SRGAP3: variants seen among roughly 807,000 people sequenced by gnomAD.
The protein encoded by SRGAP3 is SLIT-ROBO Rho GTPase activating protein 3.
Under a neutral mutation model 121.1 loss-of-function variants are expected in SRGAP3, and 39 were observed. That is an observed-to-expected ratio of 0.32 (90% CI 0.25 to 0.42). The LOEUF (loss-of-function observed/expected upper bound fraction) is 0.42, where lower values mean the gene tolerates loss of function less well. Among genes scored for constraint, SRGAP3 ranks in the 10% least tolerant of loss-of-function variants. SRGAP3 has a pLI of 1.00. For synonymous variants in SRGAP3, 601 were observed against 570.0 expected, an observed-to-expected ratio of 1.05 and a Z score of -0.77; for missense variants, 1,213 against 1,470.6, an observed-to-expected ratio of 0.82 and a Z score of 2.86.
At chr3:9,116,375 T>C (rs893411036) in intron 2 of SRGAP3, among the ~76,000 whole-genome samples, 4 of 152,230 alleles carry the variant, frequency 2.6e-5, no homozygotes, top group Admixed American at 1.3e-4. Flanking sequence ...TGAAAAAACT[T>C]TGATAAAGCA....
chr3:9,162,010 T>C (rs899349636), intron 1 of SRGAP3, among the ~76,000 whole-genome samples: 2 of 152,202 alleles, frequency 1.3e-5, no homozygotes, highest in African/African-American at 4.8e-5. Flanking sequence ...AATCCTGTCA[T>C]ATGCCACAAC....
At chr3:9,151,355 T>C (rs1398528916) in intron 1 of SRGAP3, among the ~76,000 whole-genome samples, 3 of 152,066 alleles carry the variant, frequency 2.0e-5, no homozygotes, top group Non-Finnish European at 4.4e-5. Context: ...CCATCAACAA[T>C]GTGGAGAACG....
rs113841123 is a variant in SRGAP3, at chr3:9,355,421, C to T, written n.214+7419G>A. ...ATAATTTGTGAGACACTGACTTCTA[C>T]GATGTATCCATCCCATCTCTCTTCC... is the stretch of plus-strand genomic sequence containing the variant. On this transcript the variant is annotated intron_variant and non_coding_transcript_variant, in intron 1 of 3. Coordinates refer to the SRGAP3 transcript ENST00000490889. Among the ~76,000 whole-genome samples, 386 of 152,316 alleles carry T rather than the reference C, an allele frequency of 2.5e-3. 1 individual carries two copies. The highest frequency in any genetic ancestry group is 8.9e-3 in the African/African-American group (370 of 41,556).
At chr3:9,193,740 A>C (rs1244321131) in intron 1 of SRGAP3, 1 of 152,392 alleles carries the variant, frequency 6.6e-6, no homozygotes, top group Non-Finnish European at 1.5e-5. Flanking sequence ...CGAGGAGTCC[A>C]TGTCAGCTGC....
At chr3:9,142,952 T>G (rs1949909842) in intron 1 of SRGAP3, among the ~76,000 whole-genome samples, 1 of 146,608 alleles carries the variant, frequency 6.8e-6, no homozygotes, top group Non-Finnish European at 1.5e-5. Context: ...ATCCTCCCAC[T>G]TCAGCCTTTC....
At chr3:9,133,574 C>T (rs994730215) in intron 1 of SRGAP3, among the ~76,000 whole-genome samples, 1 of 152,206 alleles carries the variant, frequency 6.6e-6, no homozygotes, top group Non-Finnish European at 1.5e-5. Context: ...TAGAATTCCA[C>T]TGTAAGTTTT....
intron 3 of SRGAP3, among the ~76,000 whole-genome samples, chr3:9,086,221 G>A (rs148656815): frequency 3.7e-4 from 56 of 151,986 alleles, no homozygotes; most frequent in Middle Eastern, 3.4e-3. Flanking sequence ...CACAGAGTAC[G>A]TGCTCATTAA....
chr3:9,143,801 C>A (rs551526748), intron 1 of SRGAP3, among the ~76,000 whole-genome samples: 19 of 152,214 alleles, frequency 1.2e-4, no homozygotes, highest in Admixed American at 5.9e-4. Flanking sequence ...CCCAGTTTTC[C>A]CTGAGGAGAC....
chr3:9,289,305 T>C (rs1397462411), intron 3 of SRGAP3, among the ~76,000 whole-genome samples: 2 of 152,226 alleles, frequency 1.3e-5, no homozygotes, highest in Non-Finnish European at 2.9e-5. Context: ...CCATCTGCAG[T>C]CTCCATGGAT....
chr3:9,315,881 C>CA (rs1299441022), intron 3 of SRGAP3, among the ~76,000 whole-genome samples: 2 of 152,108 alleles, frequency 1.3e-5, no homozygotes, highest in East Asian at 3.9e-4. Context: ...GAAGGGAAAA[C>CA]AGAGATGAAT....
chr3:9,016,088 C>T (rs1217354069), intron 14 of SRGAP3: 1 of 310,052 alleles, frequency 3.2e-6, no homozygotes, highest in African/African-American at 2.1e-5. Flanking sequence ...CTAACTACTT[C>T]AACACACTTC....
intron 18 of SRGAP3, among the ~76,000 whole-genome samples, chr3:9,008,974 A>T (rs1943223145): frequency 6.6e-6 from 1 of 152,338 alleles, no homozygotes; most frequent in Non-Finnish European, 1.5e-5. Flanking sequence ...AAGATCCTAC[A>T]CGAGAATGAA....
In SRGAP3 at chr3:8,984,303, G is replaced by A. The variant is rs745706898; in HGVS notation, c.*1216C>T. Reference sequence around the variant, plus strand: ...GCCCCAGTCTGAACTGGGCGCTCACGGCTCATGCGTTTCATGCAAGACGGC... The same window carrying A: ...GCCCCAGTCTGAACTGGGCGCTCACAGCTCATGCGTTTCATGCAAGACGGC... On this transcript the variant is annotated 3_prime_UTR_variant, in exon 22 of 22. Transcript: ENST00000383836. The A allele has an allele frequency of 4.3e-6, 1 of 230,360 alleles. No homozygotes were observed. The highest frequency in any genetic ancestry group is 8.6e-6 in the Non-Finnish European group (1 of 116,274). 14.3% of individuals were successfully genotyped at this position (230,360 alleles called of 1,614,324 possible). A position where few individuals can be genotyped will look rare whatever the true frequency, so the allele number is the denominator to read the frequency against.
intron 21 of SRGAP3, among the ~76,000 whole-genome samples, chr3:8,986,232 G>T (rs928583277): frequency 1.8e-4 from 28 of 152,226 alleles, no homozygotes; most frequent in Non-Finnish European, 3.2e-4. Context: ...CTTGCTATGT[G>T]ACCTTATGCA....
chr3:9,220,935 C>T (rs1408576487), intron 1 of SRGAP3, among the ~76,000 whole-genome samples: 1 of 152,194 alleles, frequency 6.6e-6, no homozygotes, highest in East Asian at 1.9e-4. Flanking sequence ...CAGCCCAGGG[C>T]AGACCCCACC....
chr3:9,180,060 G>C lies in SRGAP3; in HGVS notation c.68-55143C>G, dbSNP rs11919386. Among the ~76,000 whole-genome samples, 910 of 152,370 alleles carry C rather than the reference G, an allele frequency of 6.0e-3. 5 individuals carry two copies. The highest frequency in any genetic ancestry group is 0.021 in the African/African-American group (871 of 41,590). On this transcript the variant is annotated intron_variant, in intron 1 of 21. Transcript: ENST00000383836. ...GGCACAGTGCAGGAACACATGATGTGTTAGAAGGAACTCCTGAATTGAACA... is the reference window on the plus strand; with the variant it reads ...GGCACAGTGCAGGAACACATGATGTCTTAGAAGGAACTCCTGAATTGAACA...
intron 18 of SRGAP3, among the ~76,000 whole-genome samples, chr3:8,997,128 A>T (rs546488015): frequency 2.6e-5 from 4 of 152,322 alleles, no homozygotes; most frequent in Admixed American, 6.5e-5. Context: ...CCCATTGATT[A>T]CTAAGTCTGT....
At chr3:9,155,023 G>T (rs780120511) in intron 1 of SRGAP3, among the ~76,000 whole-genome samples, 2 of 150,464 alleles carry the variant, frequency 1.3e-5, no homozygotes, top group Non-Finnish European at 3.0e-5. Context: ...TTTGCATCCT[G>T]TTTTTTAATC....
At chr3:9,182,607 T>C (rs1951450296) in intron 1 of SRGAP3, among the ~76,000 whole-genome samples, 1 of 152,210 alleles carries the variant, frequency 6.6e-6, no homozygotes, top group African/African-American at 2.4e-5. Context: ...ACAGCACTCC[T>C]GGGACACTAA....
Sources: gnomAD v4.1 joint callset for allele counts (sites outside exome capture counted in the v4.1 genomes callset) on GRCh38, gnomAD v4.1.1 for gene constraint, MANE v1.5 for transcripts, NCBI Gene and HGNC (gene_info 2026-07-23, HGNC 2026-07-21) for gene names.